Variants in XPO6 observed in about 807,000 individuals in gnomAD.
XPO6 encodes the protein exportin-6.
A neutral mutation model predicts 130.0 loss-of-function variants in XPO6; 3 were observed. That is an observed-to-expected ratio of 0.02 (90% CI 0.01 to 0.06). The LOEUF is 0.06. Ranked by LOEUF, XPO6 falls within the 10% of genes least tolerant of loss-of-function variation. The pLI is 1.00. For missense variants in XPO6, 970 were observed against 1,393.0 expected (o/e 0.70, Z 4.83); for synonymous variants, 524 against 548.9 (o/e 0.95, Z 0.63).
chr16:28,161,174 T>C (rs2043271946), intron 6 of XPO6, among the ~76,000 whole-genome samples: 1 of 152,358 alleles, frequency 6.6e-6, no homozygotes, highest in African/African-American at 2.4e-5. Flanking sequence ...TTAACTGCAA[T>C]GTGGAATCTG....
chr16:28,207,286 C>T (rs1416530413), intron 1 of XPO6, among the ~76,000 whole-genome samples: 1 of 149,982 alleles, frequency 6.7e-6, no homozygotes, highest in Non-Finnish European at 1.5e-5. Flanking sequence ...AGAAAACAAA[C>T]CTTAGCAGGC....
At chr16:28,194,920 T>C (rs1169456202) in intron 1 of XPO6, among the ~76,000 whole-genome samples, 1 of 149,848 alleles carries the variant, frequency 6.7e-6, no homozygotes, top group African/African-American at 2.5e-5. Context: ...ACTCACCCTT[T>C]TCTCTCCACA....
chr16:28,153,362 G>C, intron 7 of XPO6: 1 of 985,376 alleles, frequency 1.0e-6, no homozygotes, highest in Non-Finnish European at 1.2e-6. Flanking sequence ...TATTAGAACT[G>C]GGCAAGCCTC....
At chr16:28,171,911 CT>C (rs1333428998) in intron 4 of XPO6, among the ~76,000 whole-genome samples, 7 of 152,114 alleles carry the variant, frequency 4.6e-5, no homozygotes, top group Non-Finnish European at 8.8e-5. Context: ...CTTTTCCTTT[CT>C]TTCTCCTCTA....
intron 6 of XPO6, 141 bp downstream of exon 6, chr16:28,166,367 C>T (rs2043355687): frequency 1.3e-6 from 1 of 755,732 alleles, no homozygotes. Flanking sequence ...CTATGTTGCC[C>T]AGGCTGGTCT....
intron 14 of XPO6, among the ~76,000 whole-genome samples, chr16:28,118,390 A>G (rs1255480806): frequency 6.6e-6 from 1 of 152,094 alleles, no homozygotes; most frequent in Non-Finnish European, 1.5e-5. Context: ...AGACAGGGTC[A>G]TATTCTGTTG....
At chr16:28,136,204 G>A (rs2042771810) in intron 9 of XPO6, among the ~76,000 whole-genome samples, 1 of 151,806 alleles carries the variant, frequency 6.6e-6, no homozygotes. Flanking sequence ...CACCAATGAA[G>A]TGTTTTGTTT....
In XPO6 at chr16:28,117,412, T is replaced by C. The variant is rs769553397; in HGVS notation, c.1910A>G (p.Gln637Arg). 5.6e-6 allele frequency: 9 copies of C among 1,614,096 alleles called. No individual in the cohort carries two copies. Among genetic ancestry groups the C allele is most frequent in the Non-Finnish European group, 2.5e-6 (3 of 1,180,036 alleles). The change falls in exon 15 of 24, where the codon CAG (glutamine) becomes CGG (arginine). Residue 637 changes from glutamine to arginine, a missense_variant. Physicochemically the swap from Gln to Arg is conservative, Grantham distance 43. Transcript: ENST00000304658. ...CTGCCGGTGAACTTCACTGCAATAC[T>C]GTGCTAACCAGTGAGAGTAAGCCTG... ...ALQAYSHWLA[Q>R]YCSEVHRQNT...
chr16:28,149,067 A>C (rs983368150), intron 8 of XPO6, among the ~76,000 whole-genome samples: 1 of 150,488 alleles, frequency 6.6e-6, no homozygotes, highest in African/African-American at 2.5e-5. Context: ...ATAAAAAAAA[A>C]AAAAAACAAA....
intron 12 of XPO6, among the ~76,000 whole-genome samples, chr16:28,128,564 T>G (rs549823394): frequency 2.0e-5 from 3 of 152,308 alleles, no homozygotes; most frequent in African/African-American, 7.2e-5. Flanking sequence ...TGTATTTGTT[T>G]TAAAAACCAA....
At chr16:28,176,697 AC>A (rs1394152032) in intron 3 of XPO6, among the ~76,000 whole-genome samples, 1 of 147,876 alleles carries the variant, frequency 6.8e-6, no homozygotes. Flanking sequence ...TTTAGTAGAG[AC>A]GGGGTTTCAC....
chr16:28,205,637 A>G (rs1301538779), intron 1 of XPO6, among the ~76,000 whole-genome samples: 2 of 152,168 alleles, frequency 1.3e-5, no homozygotes, highest in African/African-American at 2.4e-5. Flanking sequence ...GCAGTATTAA[A>G]TATTACCCTG....
At chr16:28,205,626 G>C (rs1438928604) in intron 1 of XPO6, among the ~76,000 whole-genome samples, 1 of 152,146 alleles carries the variant, frequency 6.6e-6, no homozygotes, top group Non-Finnish European at 1.5e-5. Flanking sequence ...AGAGGGCAGG[G>C]GCAGTATTAA....
At chr16:28,134,089 A>G (rs887148985) in intron 10 of XPO6, among the ~76,000 whole-genome samples, 156 bp from the exon 11 acceptor site, 2 of 152,232 alleles carry the variant, frequency 1.3e-5, no homozygotes, top group Admixed American at 1.3e-4. Flanking sequence ...AATTTTTTAA[A>G]AACAATGAAT....
intron 1 of XPO6, among the ~76,000 whole-genome samples, chr16:28,193,561 C>T (rs74014258): frequency 0.054 from 8,259 of 152,244 alleles, 575 homozygotes; most frequent in East Asian, 0.17. Context: ...ACCCCACTGG[C>T]GAGGCACTGG....
rs1429780501 is a variant in XPO6 at position 28,106,158 on chromosome 16, T to A, written c.2669A>T (p.Glu890Val). 6.2e-7 allele frequency: 1 copy of A among 1,614,124 alleles called. No homozygotes were observed. Among genetic ancestry groups the A allele is most frequent in the Non-Finnish European group, 8.5e-7 (1 of 1,180,026 alleles). Residue 890 changes from glutamate to valine, a missense_variant, in exon 20 of 24, where the codon GAG (glutamate) becomes GTG (valine). Around this residue, in one of 4 missense-constraint regions of XPO6, gnomAD observed 936 missense variants for 1,306.8 expected, o/e 0.72. Coordinates refer to ENST00000304658, the MANE Select transcript of XPO6 (RefSeq NM_015171.4). This position sits in a 1 kb window ranked among gnomAD's most constrained non-coding sequence, Gnocchi z 4.2. ...CACCTGCAGGATCTTCAGAAACTTC[T>A]CCACCACCCGGCAGCCTGTGCTGCC... ...HEGSTGCRVVEKFLKILQVVV... is the reference protein window; with the variant it reads ...HEGSTGCRVVVKFLKILQVVV...
intron 5 of XPO6, among the ~76,000 whole-genome samples, chr16:28,168,519 GAATA>G (rs2043394293): frequency 6.6e-6 from 1 of 151,490 alleles, no homozygotes; most frequent in African/African-American, 2.4e-5. Context: ...TGCTTTGAAT[GAATA>G]AATACTCTGA....
intron 14 of XPO6, among the ~76,000 whole-genome samples, chr16:28,118,764 G>A (rs912800525): frequency 2.0e-5 from 3 of 152,184 alleles, no homozygotes; most frequent in African/African-American, 4.8e-5. Context: ...TGACCAGGAA[G>A]AACCCTTTCA....
chr16:28,191,175 C>T (rs2141889540), intron 1 of XPO6, among the ~76,000 whole-genome samples: 1 of 152,272 alleles, frequency 6.6e-6, no homozygotes, highest in African/African-American at 2.4e-5. Flanking sequence ...GTTACACAGC[C>T]TAGACATTAA....
Sources: allele counts gnomAD v4.1 joint callset (sites outside exome capture counted in the v4.1 genomes callset), GRCh38; gene constraint gnomAD v4.1.1; regional missense constraint gnomAD v4.1.1; non-coding constraint Gnocchi (gnomAD v3.1); transcripts MANE v1.5; gene names NCBI Gene and HGNC (gene_info 2026-07-23, HGNC 2026-07-21).